The following CHRM3 variants were observed in gnomAD, a reference collection of about 807,000 sequenced individuals.
CHRM3 encodes the protein muscarinic acetylcholine receptor M3.
CHRM3 carries 11 observed loss-of-function variants against 41.8 expected under a neutral mutation model. The ratio of observed to expected loss-of-function variants is 0.26; its 90% confidence interval spans 0.17 to 0.44. The LOEUF is 0.44. Among genes scored for constraint, CHRM3 ranks in the 20% least tolerant of loss-of-function variants. The pLI is 1.00. For synonymous variants in CHRM3, 297 were observed against 301.4 expected, an observed-to-expected ratio of 0.99 and a Z score of 0.15; for missense variants, 571 against 745.4, an observed-to-expected ratio of 0.77 and a Z score of 2.72.
intron 3 of CHRM3, among the ~76,000 whole-genome samples, chr1:239,575,912 T>C (rs1052066651): frequency 6.6e-6 from 1 of 152,168 alleles, no homozygotes; most frequent in East Asian, 1.9e-4. Context: ...AAACTTTTCA[T>C]CTTGTAGAAA....
chr1:239,426,482 A>AG (rs1460161350), intron 1 of CHRM3, among the ~76,000 whole-genome samples: 1 of 149,644 alleles, frequency 6.7e-6, no homozygotes, highest in African/African-American at 2.5e-5. Flanking sequence ...AAAAAAAAAA[A>AG]AAAGAAAGAA....
intron 3 of CHRM3, among the ~76,000 whole-genome samples, chr1:239,624,640 G>A (rs541375201): frequency 0.071 from 10,569 of 149,268 alleles, 1,198 homozygotes; most frequent in African/African-American, 0.24. Context: ...TAGGTCTAAC[G>A]TTTAAATCTT....
intron 6 of CHRM3, among the ~76,000 whole-genome samples, chr1:239,873,315 G>A (rs1475372517): frequency 1.3e-5 from 2 of 151,906 alleles, no homozygotes; most frequent in East Asian, 1.9e-4. Context: ...TCCCACACAG[G>A]GAACATGATA....
intron 1 of CHRM3, among the ~76,000 whole-genome samples, chr1:239,402,101 T>C (rs925184341): frequency 1.2e-4 from 19 of 152,300 alleles, no homozygotes; most frequent in Non-Finnish European, 2.5e-4. Context: ...GGCCCTCTTT[T>C]AGACATTTCT....
chr1:239,752,031 A>G (rs914412695), intron 5 of CHRM3, among the ~76,000 whole-genome samples: 4 of 152,234 alleles, frequency 2.6e-5, no homozygotes, highest in Non-Finnish European at 4.4e-5. Flanking sequence ...CAAGGAATGC[A>G]TAAGTTTATG....
At chr1:239,408,868 C>T (rs562773719) in intron 1 of CHRM3, among the ~76,000 whole-genome samples, 1 of 151,976 alleles carries the variant, frequency 6.6e-6, no homozygotes, top group African/African-American at 2.4e-5. Context: ...GCAGTCCTCC[C>T]GCTGCAGCCT....
intron 6 of CHRM3, among the ~76,000 whole-genome samples, chr1:239,836,752 T>C (rs1673354305): frequency 6.6e-6 from 1 of 152,102 alleles, no homozygotes; most frequent in Non-Finnish European, 1.5e-5. Flanking sequence ...CCGAGGCTGA[T>C]GGATCACAAG....
intron 1 of CHRM3, among the ~76,000 whole-genome samples, chr1:239,448,579 C>T (rs1664319767): frequency 6.6e-6 from 1 of 151,988 alleles, no homozygotes; most frequent in East Asian, 1.9e-4. Context: ...TAATAGAGCT[C>T]TATTTTATCT....
intron 3 of CHRM3, among the ~76,000 whole-genome samples, chr1:239,592,823 T>A (rs1039555237): frequency 3.3e-5 from 5 of 151,932 alleles, no homozygotes; most frequent in Non-Finnish European, 5.9e-5. Context: ...AGGTCCATGT[T>A]CTCATTCTGT....
chr1:239,461,721 A>T (rs1433359238), intron 1 of CHRM3, among the ~76,000 whole-genome samples: 1 of 151,428 alleles, frequency 6.6e-6, no homozygotes, highest in Non-Finnish European at 1.5e-5. Flanking sequence ...CTCCCTGGAG[A>T]TTTCTAATGT....
chr1:239,838,879 A>AT (rs1402388341), intron 6 of CHRM3, among the ~76,000 whole-genome samples: 4 of 152,244 alleles, frequency 2.6e-5, no homozygotes, highest in African/African-American at 9.6e-5. Context: ...AAAAATACAG[A>AT]TAAATATGCT....
At chr1:239,652,663 AG>A (rs1003271650) in intron 4 of CHRM3, among the ~76,000 whole-genome samples, 4 of 151,776 alleles carry the variant, frequency 2.6e-5, no homozygotes, top group Non-Finnish European at 5.9e-5. Context: ...ATTTAACTGC[AG>A]GCACGGACTT....
intron 1 of CHRM3, among the ~76,000 whole-genome samples, chr1:239,492,060 A>T (rs1221763946): frequency 6.6e-6 from 1 of 152,178 alleles, no homozygotes; most frequent in East Asian, 1.9e-4. Flanking sequence ...CCATGGGGAA[A>T]CTAACTCTCA....
chr1:239,865,300 T>C (rs1054845358), intron 6 of CHRM3, among the ~76,000 whole-genome samples: 10 of 152,228 alleles, frequency 6.6e-5, no homozygotes, highest in Non-Finnish European at 5.9e-5. Flanking sequence ...CATCAACATG[T>C]ATATGCATAA....
At chr1:239,555,737 C>T (rs1445831738) in intron 3 of CHRM3, among the ~76,000 whole-genome samples, 2 of 152,142 alleles carry the variant, frequency 1.3e-5, no homozygotes, top group African/African-American at 4.8e-5. Flanking sequence ...ATGGGGTAGC[C>T]CTACTCTGCA....
intron 5 of CHRM3, among the ~76,000 whole-genome samples, chr1:239,742,763 A>G (rs1388485519): frequency 6.6e-6 from 1 of 152,238 alleles, no homozygotes; most frequent in Non-Finnish European, 1.5e-5. Flanking sequence ...TAACAATTGC[A>G]TGTTGCAAGT....
intron 1 of CHRM3, among the ~76,000 whole-genome samples, chr1:239,419,249 A>G (rs1316541425): frequency 6.6e-6 from 1 of 152,094 alleles, no homozygotes; most frequent in Non-Finnish European, 1.5e-5. Flanking sequence ...TATTGTCTCA[A>G]TGAAATTTGC....
chr1:239,650,798 T>C (rs1672165668), intron 4 of CHRM3, among the ~76,000 whole-genome samples: 1 of 152,340 alleles, frequency 6.6e-6, no homozygotes, highest in South Asian at 2.1e-4. Flanking sequence ...CATTAATTAC[T>C]GGATTATATC....
intron 1 of CHRM3, among the ~76,000 whole-genome samples, chr1:239,481,850 TG>T (rs1175793426): frequency 6.6e-6 from 1 of 152,070 alleles, no homozygotes; most frequent in Admixed American, 6.6e-5. Context: ...TAGAATCTTT[TG>T]GGGGAAATAA....
Sources: allele counts gnomAD v4.1 joint callset (sites outside exome capture counted in the v4.1 genomes callset), GRCh38; gene constraint gnomAD v4.1.1; transcripts MANE v1.5; gene names NCBI Gene and HGNC (gene_info 2026-07-23, HGNC 2026-07-21).